CARD19: variants seen among roughly 807,000 people sequenced by gnomAD.
CARD19 encodes the protein caspase recruitment domain family member 19.
Under a neutral mutation model 24.1 loss-of-function variants are expected in CARD19, and 25 were observed. The observed-to-expected ratio is 1.04, with a 90% CI of 0.76 to 1.45. CARD19 has a LOEUF of 1.45. CARD19 is among the 40% of genes most tolerant of loss of function. The probability of loss-of-function intolerance (pLI) is 0.00; values close to 1 mark genes in which losing one functional copy is unlikely to be tolerated. For synonymous variants in CARD19, 103 were observed against 104.9 expected (o/e 0.98, Z 0.11); for missense variants, 241 against 247.4 (o/e 0.97, Z 0.17).
intron 1 of CARD19, among the ~76,000 whole-genome samples, chr9:93,101,152 A>G (rs1213080338): frequency 6.6e-6 from 1 of 152,118 alleles, no homozygotes; most frequent in African/African-American, 2.4e-5. Context: ...ATCTTGGCTT[A>G]GTGCAACCTC....
chr9:93,099,146 G>A (rs1403848302), intron 1 of CARD19, among the ~76,000 whole-genome samples: 1 of 152,066 alleles, frequency 6.6e-6, no homozygotes, highest in African/African-American at 2.4e-5. Context: ...GGCTGGTCTT[G>A]AACTCCTGAC....
At position 93,111,883 on chromosome 9, in the gene CARD19, C is replaced by T. The variant is rs770787324; in HGVS notation, c.309C>T (p.Asn103=). ...SRLPSRHALQ[N]SDCTELDSGS... ...GCTCTGTGGTTTTGTTTCCAGAGAACTCAGATTGCACAGAGCTAGACTCGG... is the reference window on the plus strand; with the variant it reads ...GCTCTGTGGTTTTGTTTCCAGAGAATTCAGATTGCACAGAGCTAGACTCGG... Residue 103 remains asparagine, a synonymous_variant, in exon 4 of 6, where the codon AAC becomes AAT. Transcript: ENST00000375464. 4 of 1,611,862 alleles carry T rather than the reference C, an allele frequency of 2.5e-6. No homozygotes were observed. In the South Asian group the frequency reaches 4.4e-5, roughly 18 times the overall value.
intron 1 of CARD19, among the ~76,000 whole-genome samples, chr9:93,104,420 G>A (rs1428290221): frequency 3.3e-5 from 5 of 152,160 alleles, no homozygotes; most frequent in Non-Finnish European, 7.4e-5. Flanking sequence ...TCAGGGTAAA[G>A]CTGACCTCAT....
intron 2 of CARD19, among the ~76,000 whole-genome samples, 179 bp downstream of exon 2, chr9:93,107,995 G>A (rs1008511923): frequency 1.1e-4 from 16 of 152,192 alleles, no homozygotes; most frequent in African/African-American, 3.9e-4. Flanking sequence ...CTACAAACTG[G>A]CCCTTTGGGG....
intron 1 of CARD19, among the ~76,000 whole-genome samples, chr9:93,101,870 T>TGAGGA (rs1827095905): frequency 6.6e-6 from 1 of 151,578 alleles, no homozygotes; most frequent in Admixed American, 6.6e-5. Flanking sequence ...CCAACATTTG[T>TGAGGA]TATATTAATA....
chr9:93,108,244 G>T (rs1368587870), intron 2 of CARD19, among the ~76,000 whole-genome samples: 1 of 152,152 alleles, frequency 6.6e-6, no homozygotes, highest in African/African-American at 2.4e-5. Context: ...AATGGGCCCG[G>T]CCCACCCCAG....
At chr9:93,105,197 CGT>C (rs56089144) in intron 1 of CARD19, among the ~76,000 whole-genome samples, 34,517 of 150,290 alleles carry the variant, frequency 0.23, 7,318 homozygotes, top group African/African-American at 0.57. Context: ...TGTGTGTGTG[CGT>C]GTGTGTGTGT....
At chr9:93,099,709 G>A (rs896695727) in intron 1 of CARD19, among the ~76,000 whole-genome samples, 4 of 152,220 alleles carry the variant, frequency 2.6e-5, no homozygotes, top group African/African-American at 9.6e-5. Context: ...GTCACTTGAC[G>A]TCCCTGTGCT....
intron 1 of CARD19, among the ~76,000 whole-genome samples, chr9:93,099,078 A>G (rs1288531424): frequency 6.6e-6 from 1 of 152,084 alleles, no homozygotes; most frequent in Admixed American, 6.5e-5. Flanking sequence ...GTGTGCCAGC[A>G]TGACCAGCTA....
intron 3 of CARD19, chr9:93,111,303 C>A: frequency 8.8e-7 from 1 of 1,142,688 alleles, no homozygotes; most frequent in South Asian, 1.8e-5. Flanking sequence ...AGCCTGGGCC[C>A]ACAGAGCTGC....
At chr9:93,106,602 C>G (rs1242619829) in intron 1 of CARD19, among the ~76,000 whole-genome samples, 2 of 151,188 alleles carry the variant, frequency 1.3e-5, no homozygotes, top group East Asian at 1.9e-4. Flanking sequence ...AAAGTTTAAC[C>G]TATTTGCATT....
intron 1 of CARD19, among the ~76,000 whole-genome samples, chr9:93,100,327 C>G (rs1827031967): frequency 6.6e-6 from 1 of 152,188 alleles, no homozygotes; most frequent in African/African-American, 2.4e-5. Flanking sequence ...TTGGTTTTTT[C>G]TTTGAGACAG....
intron 1 of CARD19, among the ~76,000 whole-genome samples, chr9:93,107,193 T>C (rs1283849388): frequency 6.6e-6 from 1 of 152,092 alleles, no homozygotes; most frequent in Non-Finnish European, 1.5e-5. Flanking sequence ...GCATTCTTGA[T>C]CTCGAACTCC....
rs761668204 is a variant in CARD19 at position 93,109,073 on chromosome 9, G to A, written c.150+1257G>A. The A allele has an allele frequency of 3.3e-5, 5 of 152,324 alleles. No individual in the cohort carries two copies. In the Middle Eastern group the frequency reaches 0.01, roughly 311 times the overall value. The allele number at this position is 152,324 out of a possible 1,614,324, so 9.4% of individuals were successfully genotyped here. Reference sequence around the variant, plus strand: ...CCCACAACAGAACAGGAGTCAACACGGGCCCTGCTACTGGCTCAGGTGCTT... The same window carrying A: ...CCCACAACAGAACAGGAGTCAACACAGGCCCTGCTACTGGCTCAGGTGCTT... On this transcript the variant is annotated intron_variant, in intron 2 of 5. Coordinates refer to ENST00000375464, the MANE Select transcript of CARD19 (RefSeq NM_032310.5).
intron 2 of CARD19, 108 bp downstream of exon 2, chr9:93,107,924 C>T: frequency 2.9e-6 from 4 of 1,366,124 alleles, no homozygotes; most frequent in Non-Finnish European, 4.1e-6. Flanking sequence ...TGGGATGACA[C>T]ACTAGGTATG....
chr9:93,098,117 C>T lies in CARD19; in HGVS notation c.7+1765C>T, dbSNP rs1826948065. ...CGTGGGGCAGGTGCTTGACAAGTTA[C>T]CCCCTGGGCTGTGCCGGGGAGTGAG... On this transcript the variant is annotated intron_variant, in intron 1 of 5. Coordinates refer to ENST00000375464, the MANE Select transcript of CARD19 (RefSeq NM_032310.5). Among the ~76,000 whole-genome samples, 3 of 152,330 alleles carry T rather than the reference C, an allele frequency of 2.0e-5. No homozygotes were observed. In the South Asian group the frequency reaches 6.2e-4, roughly 32 times the overall value.
At chr9:93,111,493 C>T in intron 3 of CARD19, 1 of 1,101,708 alleles carries the variant, frequency 9.1e-7, no homozygotes, top group Non-Finnish European at 1.1e-6. Context: ...TGGAGGCCTC[C>T]CCACGCCTCA....
chr9:93,101,448 T>TC (rs1354794352), intron 1 of CARD19, among the ~76,000 whole-genome samples: 3 of 150,404 alleles, frequency 2.0e-5, no homozygotes, highest in African/African-American at 4.9e-5. Flanking sequence ...GGTAATTCTT[T>TC]TTTTTTTTTT....
chr9:93,097,454 G>A (rs764986767), intron 1 of CARD19, among the ~76,000 whole-genome samples: 10 of 152,172 alleles, frequency 6.6e-5, no homozygotes, highest in Non-Finnish European at 1.3e-4. Flanking sequence ...CACTTACTGT[G>A]CATTGGACCC....
Sources: gnomAD v4.1 joint callset for allele counts (sites outside exome capture counted in the v4.1 genomes callset) on GRCh38, gnomAD v4.1.1 for gene constraint, MANE v1.5 for transcripts, NCBI Gene and HGNC (gene_info 2026-07-23, HGNC 2026-07-21) for gene names.